TEX2: variants seen among roughly 807,000 people sequenced by gnomAD.
The protein encoded by TEX2 is testis expressed 2.
TEX2 carries 53 observed loss-of-function variants against 106.9 expected under a neutral mutation model. The ratio of observed to expected loss-of-function variants is 0.50; its 90% CI spans 0.40 to 0.62. The LOEUF (loss-of-function observed/expected upper bound fraction) is 0.62. Ranked by LOEUF, TEX2 falls within the 20% of genes least tolerant of loss-of-function variation. TEX2 has a pLI of 0.00. For missense variants in TEX2, 1,207 were observed against 1,379.0 expected, an observed-to-expected ratio of 0.88 and a Z score of 1.98; for synonymous variants, 523 against 534.8, an observed-to-expected ratio of 0.98 and a Z score of 0.30.
Position 64,149,092 on chromosome 17 carries a change from C to A in TEX2, c.3262-1G>T. ...CCATGTTTGGCATGACAAAAACTTT[C>A]TGTAGGAAGATATTAAAGAACAGCT... On this transcript the variant is annotated splice_acceptor_variant, in intron 11 of 11. Coordinates refer to ENST00000584379, the MANE Select transcript of TEX2 (RefSeq NM_001288732.2). LOFTEE classifies it high-confidence loss of function. 6.2e-7 allele frequency: 1 copy of A among 1,613,676 alleles called. No individual in the cohort carries two copies. The highest frequency in any genetic ancestry group is 8.5e-7 in the Non-Finnish European group (1 of 1,179,744).
chr17:64,218,421 T>A (rs1318373964), intron 1 of TEX2, among the ~76,000 whole-genome samples: 6 of 148,434 alleles, frequency 4.0e-5, no homozygotes, highest in Non-Finnish European at 8.9e-5. Flanking sequence ...TTTTTTTTTT[T>A]TTTTTTTTTT....
rs553522645 is a variant in TEX2 at position 64,205,174 on chromosome 17, G to A, written c.1644+7400C>T. On this transcript the variant is annotated intron_variant, in intron 2 of 11. Coordinates refer to ENST00000584379, the MANE Select transcript of TEX2 (RefSeq NM_001288732.2). This position sits in a 1 kb window ranked among gnomAD's most constrained non-coding sequence, Gnocchi z 4.0. ...CATCAAAACATCTCACTGATTAGCC[G>A]TGCATGGTGATGCGCACATGTAATC... 3.9e-5 allele frequency among the ~76,000 whole-genome samples: 6 copies of A among 152,174 alleles called. No homozygotes were observed. In the East Asian group the frequency reaches 5.8e-4, roughly 15 times the overall value.
chr17:64,256,509 GCT>G (rs758555855), intron 1 of TEX2, among the ~76,000 whole-genome samples: 5 of 152,036 alleles, frequency 3.3e-5, no homozygotes, highest in Non-Finnish European at 5.9e-5. Context: ...CATCCACGTT[GCT>G]CTCTCTCTTG....
Position 64,214,219 on chromosome 17 carries a change from G to A in TEX2, c.-2C>T, listed in dbSNP as rs1555632307. ...ATGGCGACCATACAGACTTGTCATT[G>A]CCGGCTTCACAAGGGCTCAGGCTCT... On this transcript the variant is annotated 5_prime_UTR_variant, in exon 2 of 12. Transcript: ENST00000584379. The A allele has an allele frequency of 1.9e-6, 3 of 1,609,510 alleles. No homozygotes were observed. The highest frequency in any genetic ancestry group is 1.3e-5 in the African/African-American group (1 of 74,856).
At chr17:64,170,053 T>A (rs907198419) in intron 7 of TEX2, among the ~76,000 whole-genome samples, 7 of 152,230 alleles carry the variant, frequency 4.6e-5, no homozygotes, top group Non-Finnish European at 7.3e-5. Context: ...ACCGTATTTA[T>A]GGTTTATGTG....
chr17:64,214,049 C>G lies in TEX2; in HGVS notation c.169G>C (p.Glu57Gln). Residue 57 changes from glutamate to glutamine, a missense_variant, in exon 2 of 12, where the codon GAG (glutamate) becomes CAG (glutamine). Coordinates refer to ENST00000584379, the MANE Select transcript of TEX2 (RefSeq NM_001288732.2). ...ATGCTTTGGTCATCCAGCCCCTCCT[C>G]AAAGTACTCCCTGAACTCCTCCTCC... ...EEEEEFREYF[E>Q]EGLDDQSIVT... The G allele has an allele frequency of 6.2e-7, 1 of 1,614,216 alleles. No individual in the cohort carries two copies.
intron 1 of TEX2, among the ~76,000 whole-genome samples, chr17:64,219,638 A>G (rs1169607367): frequency 6.6e-6 from 1 of 152,186 alleles, no homozygotes; most frequent in Non-Finnish European, 1.5e-5. Context: ...CCTAAACTAG[A>G]GGAGTGGATG....
chr17:64,188,601 G>A, intron 4 of TEX2, 186 bp from the exon 5 acceptor site: 1 of 868,490 alleles, frequency 1.2e-6, no homozygotes, highest in Non-Finnish European at 1.7e-6. Flanking sequence ...CGGATCACGA[G>A]GTCAGGAGAT....
At chr17:64,187,275 G>A (rs2032112501) in intron 5 of TEX2, among the ~76,000 whole-genome samples, 1 of 152,170 alleles carries the variant, frequency 6.6e-6, no homozygotes, top group Non-Finnish European at 1.5e-5. Flanking sequence ...TAGCCGAGGA[G>A]ACTGAGAATT....
intron 7 of TEX2, among the ~76,000 whole-genome samples, chr17:64,167,987 T>C (rs922788777): frequency 3.3e-5 from 5 of 152,120 alleles, no homozygotes; most frequent in Non-Finnish European, 5.9e-5. Context: ...ATCCAACCAG[T>C]TGTGGCCAAA....
intron 1 of TEX2, among the ~76,000 whole-genome samples, chr17:64,237,660 G>T (rs546494016): frequency 6.6e-6 from 1 of 152,190 alleles, no homozygotes; most frequent in East Asian, 1.9e-4. Context: ...GAGTAAGGAA[G>T]AAGGTGTTCT....
At chr17:64,186,923 G>A (rs1176655167) in intron 5 of TEX2, among the ~76,000 whole-genome samples, 1 of 152,192 alleles carries the variant, frequency 6.6e-6, no homozygotes, top group East Asian at 1.9e-4. Context: ...AGAGGCAGGA[G>A]GCCTCAGGCC....
intron 2 of TEX2, among the ~76,000 whole-genome samples, chr17:64,206,242 G>T (rs1555630731): frequency 6.6e-6 from 1 of 152,154 alleles, no homozygotes; most frequent in Non-Finnish European, 1.5e-5. Flanking sequence ...TACCACACAG[G>T]GGGTGTCACT....
intron 6 of TEX2, among the ~76,000 whole-genome samples, chr17:64,175,058 C>T (rs1017483209): frequency 5.3e-5 from 8 of 152,208 alleles, no homozygotes; most frequent in African/African-American, 1.9e-4. Flanking sequence ...TTCCCTATTC[C>T]CATTTTGGCT....
At chr17:64,171,979 CA>C (rs11322413) in intron 6 of TEX2, among the ~76,000 whole-genome samples, 94,491 of 133,242 alleles carry the variant, frequency 0.71, 32,528 homozygotes, top group East Asian at 0.82. Flanking sequence ...GACTCTGCGT[CA>C]AAAAAAAAAA....
chr17:64,214,275 G>A (rs1598189722), intron 1 of TEX2, 33 bp from the exon 2 acceptor site: 2 of 1,549,154 alleles, frequency 1.3e-6, no homozygotes, highest in South Asian at 2.4e-5. Context: ...AGAAGTCAGA[G>A]AGCAGTTTCT....
intron 1 of TEX2, among the ~76,000 whole-genome samples, chr17:64,245,777 C>T (rs1219542903): frequency 1.2e-5 from 1 of 85,486 alleles, no homozygotes; most frequent in Admixed American, 1.5e-4. Context: ...ACCAACTGGA[C>T]AAGACGGAAG....
chr17:64,196,247 C>G (rs1251518048), intron 2 of TEX2, among the ~76,000 whole-genome samples: 4 of 152,158 alleles, frequency 2.6e-5, no homozygotes, highest in African/African-American at 9.7e-5. Context: ...GGACAGGATT[C>G]TTGATCCAAA....
At chr17:64,211,856 G>A (rs1014694201) in intron 2 of TEX2, among the ~76,000 whole-genome samples, 3 of 152,188 alleles carry the variant, frequency 2.0e-5, no homozygotes, top group South Asian at 4.1e-4. Context: ...ATAATAAATA[G>A]AAGTTCTAGG....
Sources: gnomAD v4.1 joint callset for allele counts (sites outside exome capture counted in the v4.1 genomes callset) on GRCh38, gnomAD v4.1.1 for gene constraint, Gnocchi (gnomAD v3.1) non-coding constraint, MANE v1.5 for transcripts, NCBI Gene and HGNC (gene_info 2026-07-23, HGNC 2026-07-21) for gene names.